Variants in LRRC1 observed in about 807,000 individuals in gnomAD.
LRRC1 encodes leucine-rich repeat-containing protein 1.
A neutral mutation model predicts 69.9 loss-of-function variants in LRRC1; 28 were observed. The observed-to-expected ratio is 0.40, with a 90% confidence interval of 0.30 to 0.55. The LOEUF is 0.55. Ranked by LOEUF, LRRC1 falls within the 20% of genes least tolerant of loss-of-function variation. The pLI, the probability that LRRC1 is intolerant of heterozygous loss-of-function variation, is 0.47. For synonymous variants in LRRC1, 236 were observed against 240.2 expected, an observed-to-expected ratio of 0.98 and a Z score of 0.16; for missense variants, 498 against 609.0, an observed-to-expected ratio of 0.82 and a Z score of 1.92.
chr6:53,899,250 A>C (rs959386524), intron 7 of LRRC1, among the ~76,000 whole-genome samples: 2 of 152,178 alleles, frequency 1.3e-5, no homozygotes, highest in South Asian at 4.1e-4. Flanking sequence ...ATAGGTATGT[A>C]TGTTCCGGTT....
chr6:53,858,135 T>A (rs6458969), intron 2 of LRRC1, among the ~76,000 whole-genome samples: 1 of 152,104 alleles, frequency 6.6e-6, no homozygotes, highest in Non-Finnish European at 1.5e-5. Flanking sequence ...ACCAGGGTGG[T>A]CTCTGGCCAT....
rs779568963 is a variant in LRRC1, at chr6:53,920,675, G to A, written c.1330G>A (p.Asp444Asn). ...ALENLVNDVS[D>N]EAWNERAVNR... ...GGAGAACTTGGTAAATGATGTCTCT[G>A]ATGAAGCCTGGAACGAGCGTGCTGT... Residue 444 changes from aspartate to asparagine, a missense_variant, in exon 13 of 14, where the codon GAT becomes AAT. Coordinates refer to ENST00000370888, the MANE Select transcript of LRRC1 (RefSeq NM_018214.5). 2.5e-6 allele frequency: 4 copies of A among 1,614,078 alleles called. No homozygotes were observed. The African/African-American group carries it at 4.0e-5, about 16-fold the overall frequency.
chr6:53,917,263 G>C (rs1768596705), intron 11 of LRRC1, among the ~76,000 whole-genome samples: 1 of 152,180 alleles, frequency 6.6e-6, no homozygotes, highest in Non-Finnish European at 1.5e-5. Flanking sequence ...TCAGGGAACA[G>C]TGCCTTTTTT....
intron 1 of LRRC1, among the ~76,000 whole-genome samples, chr6:53,822,099 A>G (rs1400584909): frequency 1.3e-5 from 2 of 152,126 alleles, no homozygotes; most frequent in East Asian, 3.9e-4. Context: ...GTGTATTTCT[A>G]GGTTCTGTAA....
intron 2 of LRRC1, among the ~76,000 whole-genome samples, chr6:53,848,664 G>A (rs1399847979): frequency 6.6e-6 from 1 of 152,136 alleles, no homozygotes; most frequent in Non-Finnish European, 1.5e-5. Flanking sequence ...AGAGTAAACT[G>A]CCGTTCCTCT....
In LRRC1 at chr6:53,879,014, G is replaced by A. The variant is rs762673828; in HGVS notation, c.299G>A (p.Ser100Asn). 33 of 1,612,800 alleles carry A rather than the reference G, an allele frequency of 2.0e-5. No individual in the cohort carries two copies. Among genetic ancestry groups the A allele is most frequent in the Non-Finnish European group, 2.5e-5 (30 of 1,179,346 alleles). ...GCAGAGATTCCTGAAATTCCAGAAA[G>A]CATTTCATTCTGTAAAGCACTGCAG... Reference protein sequence around the residue: ...SRNEIPEIPESISFCKALQVA... With the variant: ...SRNEIPEIPENISFCKALQVA... The change falls in exon 3 of 14, where the codon AGC becomes AAC. Residue 100 changes from serine to asparagine, a missense_variant. Physicochemically the swap from Ser to Asn is conservative, Grantham distance 46. Around this residue, in one of 3 missense-constraint regions of LRRC1, gnomAD observed 266 missense variants for 383.9 expected, o/e 0.69. Transcript: ENST00000370888.
rs539592374 is a variant in LRRC1, at chr6:53,921,690, T to C, written c.1416+929T>C. On this transcript the variant is annotated intron_variant, in intron 13 of 13. Transcript: ENST00000370888. ...AAATTCCTTGAACTAATTGAGAGTT[T>C]TCTTAAGCAGAGCTTAGAGGGAGTA... Among the ~76,000 whole-genome samples the C allele has an allele frequency of 2.6e-5, 4 of 152,348 alleles. No individual in the cohort carries two copies. The East Asian group carries it at 7.7e-4, about 29-fold the overall frequency.
chr6:53,841,839 T>A (rs1365094061), intron 1 of LRRC1, among the ~76,000 whole-genome samples: 2 of 152,222 alleles, frequency 1.3e-5, no homozygotes, highest in East Asian at 3.8e-4. Context: ...GTGACTGTTC[T>A]TTAAGTTGCT....
chr6:53,824,714 A>T (rs1396298070), intron 1 of LRRC1, among the ~76,000 whole-genome samples: 1 of 152,210 alleles, frequency 6.6e-6, no homozygotes. Context: ...CAAAATGCAT[A>T]TCAGGTGCTG....
intron 1 of LRRC1, among the ~76,000 whole-genome samples, chr6:53,803,887 C>T (rs760944162): frequency 5.9e-5 from 9 of 152,110 alleles, no homozygotes; most frequent in Non-Finnish European, 8.8e-5. Flanking sequence ...CCTTTCTTTC[C>T]GCAGTCCACC....
At chr6:53,915,709 G>C (rs1768543292) in intron 11 of LRRC1, among the ~76,000 whole-genome samples, 1 of 152,200 alleles carries the variant, frequency 6.6e-6, no homozygotes, top group African/African-American at 2.4e-5. Flanking sequence ...CTGGGATGGA[G>C]AAAACCCAAT....
intron 2 of LRRC1, among the ~76,000 whole-genome samples, chr6:53,861,820 A>AC (rs1766535727): frequency 6.6e-6 from 1 of 151,954 alleles, no homozygotes; most frequent in Non-Finnish European, 1.5e-5. Context: ...ATTGACAAAC[A>AC]CTATAGTTCG....
chr6:53,877,014 G>A (rs112045224), intron 2 of LRRC1, among the ~76,000 whole-genome samples: 1,623 of 152,286 alleles, frequency 0.011, 27 homozygotes, highest in African/African-American at 0.037. Flanking sequence ...GGTTTCCCAC[G>A]AGGGCCTTGC....
intron 1 of LRRC1, among the ~76,000 whole-genome samples, chr6:53,821,870 G>A (rs1765124192): frequency 9.5e-6 from 1 of 105,316 alleles, no homozygotes; most frequent in African/African-American, 3.6e-5. Context: ...TCTAATGCTA[G>A]TAATGCTAGT....
intron 1 of LRRC1, among the ~76,000 whole-genome samples, chr6:53,827,613 A>G (rs1057140526): frequency 6.6e-6 from 1 of 152,160 alleles, no homozygotes; most frequent in Admixed American, 6.5e-5. Context: ...CATAATGAAT[A>G]GTGAATGATT....
chr6:53,874,317 C>T (rs13214304), intron 2 of LRRC1, among the ~76,000 whole-genome samples: 1 of 151,992 alleles, frequency 6.6e-6, no homozygotes, highest in Non-Finnish European at 1.5e-5. Context: ...TTTTAAAAAT[C>T]TATTCCAGAT....
At chr6:53,866,289 A>G (rs2127425121) in intron 2 of LRRC1, among the ~76,000 whole-genome samples, 2 of 152,300 alleles carry the variant, frequency 1.3e-5, no homozygotes, top group Non-Finnish European at 2.9e-5. Flanking sequence ...TGGAGGAGAC[A>G]GAGATTCCAG....
At chr6:53,899,690 GC>G in intron 7 of LRRC1, 56 bp from the exon 8 acceptor site, 1 of 1,514,488 alleles carries the variant, frequency 6.6e-7, no homozygotes, top group Non-Finnish European at 9.0e-7. Flanking sequence ...TGGAACAAAT[GC>G]CTCTGCACTG....
chr6:53,853,183 A>G (rs576181267), intron 2 of LRRC1, among the ~76,000 whole-genome samples: 10 of 152,134 alleles, frequency 6.6e-5, no homozygotes, highest in Admixed American at 5.9e-4. Flanking sequence ...CCCAAAGGCT[A>G]TACCTTTTAA....
Sources: gnomAD v4.1 joint callset for allele counts (sites outside exome capture counted in the v4.1 genomes callset) on GRCh38, gnomAD v4.1.1 for gene constraint, gnomAD v4.1.1 regional missense constraint, MANE v1.5 for transcripts, NCBI Gene and HGNC (gene_info 2026-07-23, HGNC 2026-07-21) for gene names.